The following NEO1 variants were observed in gnomAD, a reference collection of about 807,000 sequenced individuals.
The protein encoded by NEO1 is neogenin.
In NEO1, 63 loss-of-function variants were observed where a neutral mutation model predicts 159.7. That is an observed-to-expected ratio of 0.39 (90% CI 0.32 to 0.49). The LOEUF is 0.49. Among genes scored for constraint, NEO1 ranks in the 20% least tolerant of loss-of-function variants. The pLI, the probability that NEO1 is intolerant of heterozygous loss-of-function variation, is 0.85. For missense variants in NEO1, 1,615 were observed against 1,831.0 expected, an observed-to-expected ratio of 0.88 and a Z score of 2.15; for synonymous variants, 633 against 662.0, an observed-to-expected ratio of 0.96 and a Z score of 0.67.
chr15:73,233,894 G>C (rs957028707), intron 7 of NEO1, among the ~76,000 whole-genome samples: 1 of 152,144 alleles, frequency 6.6e-6, no homozygotes, highest in Non-Finnish European at 1.5e-5. Flanking sequence ...ATATCAGCTT[G>C]GGGTTTAGGT....
At chr15:73,184,147 AAATTAATT>A (rs538116304) in intron 7 of NEO1, among the ~76,000 whole-genome samples, 219 of 152,044 alleles carry the variant, frequency 1.4e-3, no homozygotes, top group Non-Finnish European at 2.1e-3. Context: ...ACCTTTTTTA[AAATTAATT>A]AATTAATTAA....
intron 15 of NEO1, among the ~76,000 whole-genome samples, chr15:73,265,168 G>A (rs2040829055): frequency 2.0e-5 from 3 of 152,178 alleles, no homozygotes; most frequent in Admixed American, 2.0e-4. Context: ...TAGGCAAAGA[G>A]TGGTGGGAGA....
intron 7 of NEO1, among the ~76,000 whole-genome samples, chr15:73,185,336 T>C (rs1468082146): frequency 6.6e-6 from 1 of 152,178 alleles, no homozygotes; most frequent in East Asian, 1.9e-4. Flanking sequence ...TGTACCACTT[T>C]AGTGGGGGAT....
At chr15:73,106,676 C>T (rs889612924) in intron 1 of NEO1, among the ~76,000 whole-genome samples, 4 of 152,150 alleles carry the variant, frequency 2.6e-5, no homozygotes, top group Non-Finnish European at 5.9e-5. Context: ...TTGCCTTCTT[C>T]ACCAGCTGGC....
chr15:73,058,474 A>G (rs993799468), intron 1 of NEO1, among the ~76,000 whole-genome samples: 1 of 152,120 alleles, frequency 6.6e-6, no homozygotes, highest in Non-Finnish European at 1.5e-5. Context: ...CCTGTTATGG[A>G]TATGGAAGTT....
At chr15:73,155,498 T>C (rs1337575864) in intron 5 of NEO1, among the ~76,000 whole-genome samples, 2 of 152,222 alleles carry the variant, frequency 1.3e-5, no homozygotes, top group African/African-American at 4.8e-5. Context: ...TCTATGTGAA[T>C]GTCTAACTCT....
At chr15:73,259,476 C>T (rs919054677) in intron 14 of NEO1, among the ~76,000 whole-genome samples, 4 of 151,856 alleles carry the variant, frequency 2.6e-5, no homozygotes, top group Non-Finnish European at 5.9e-5. Flanking sequence ...ATCCTCCCAC[C>T]TCAGCCTCCT....
intron 8 of NEO1, among the ~76,000 whole-genome samples, chr15:73,237,680 A>G (rs569602526): frequency 6.6e-6 from 1 of 152,332 alleles, no homozygotes; most frequent in South Asian, 2.1e-4. Context: ...CCTGAATGCT[A>G]TACTGTGTGT....
chr15:73,232,539 AAC>A (rs140616403), intron 7 of NEO1, among the ~76,000 whole-genome samples: 1 of 152,064 alleles, frequency 6.6e-6, no homozygotes, highest in East Asian at 1.9e-4. Flanking sequence ...TTGTCTTGTG[AAC>A]ACACACACAC....
chr15:73,072,723 T>C (rs1271001836), intron 1 of NEO1, among the ~76,000 whole-genome samples: 1 of 152,098 alleles, frequency 6.6e-6, no homozygotes, highest in African/African-American at 2.4e-5. Flanking sequence ...GAGGTGGGGT[T>C]GTGGTGGTGA....
rs35991255 is a variant in NEO1 at position 73,169,643 on chromosome 15, CT to C, written c.1016-6739del. On this transcript the variant is annotated intron_variant, in intron 5 of 28. Coordinates refer to ENST00000261908, the MANE Select transcript of NEO1 (RefSeq NM_002499.4). ...TACCGAAATTATCTGCTCCCCCCTC[CT>C]TTTTTTTTTTTTTTTTTTTTGGAAG... 2.6e-3 allele frequency among the ~76,000 whole-genome samples: 272 copies of C among 105,234 alleles called. 1 individual carries two copies. The highest frequency in any genetic ancestry group is 7.7e-3 in the African/African-American group (227 of 29,568). 69.0% of individuals were successfully genotyped at this position (105,234 alleles called of 152,430 possible).
chr15:73,130,876 G>A (rs2031026738), intron 4 of NEO1, among the ~76,000 whole-genome samples: 1 of 152,332 alleles, frequency 6.6e-6, no homozygotes, highest in African/African-American at 2.4e-5. Context: ...GACCATGTGG[G>A]GGAACAATAA....
At position 73,116,587 on chromosome 15, in the gene NEO1, G is replaced by C. The variant is rs764492714; in HGVS notation, c.178G>C (p.Val60Leu). The part of the protein sequence containing the change: ...FTPFYFLVEP[V>L]DTLSVRGSSV... ...TCCATTTTATTTTCTGGTGGAGCCG[G>C]TGGATACACTCTCAGTTAGAGGCTC... Residue 60 changes from valine to leucine, a missense_variant, in exon 2 of 29, where the codon GTG becomes CTG. Coordinates refer to ENST00000261908, the MANE Select transcript of NEO1 (RefSeq NM_002499.4). 11 of 1,573,444 alleles carry C rather than the reference G, an allele frequency of 7.0e-6. No homozygotes were observed. The South Asian group carries it at 1.1e-4, about 16-fold the overall frequency.
chr15:73,237,567 TGTA>T (rs2039246672), intron 8 of NEO1, among the ~76,000 whole-genome samples: 4 of 152,208 alleles, frequency 2.6e-5, no homozygotes, highest in African/African-American at 9.7e-5. Context: ...TGATGTACAT[TGTA>T]GTTAATACCA....
intron 5 of NEO1, among the ~76,000 whole-genome samples, chr15:73,159,648 T>A (rs1201539460): frequency 6.6e-6 from 1 of 152,184 alleles, no homozygotes; most frequent in African/African-American, 2.4e-5. Flanking sequence ...CAAGTCAACA[T>A]GGAAGCAGCA....
intron 16 of NEO1, among the ~76,000 whole-genome samples, chr15:73,267,811 C>T (rs1217926182): frequency 2.0e-5 from 3 of 152,012 alleles, no homozygotes; most frequent in Non-Finnish European, 4.4e-5. Context: ...GGGTTGGTTC[C>T]AAGTCTTTGC....
intron 7 of NEO1, among the ~76,000 whole-genome samples, chr15:73,189,874 T>G (rs946076084): frequency 2.0e-5 from 3 of 152,266 alleles, no homozygotes; most frequent in African/African-American, 7.2e-5. Context: ...TAGCATGCTT[T>G]CTTAATCAAA....
At chr15:73,111,587 G>T (rs1157439254) in intron 1 of NEO1, among the ~76,000 whole-genome samples, 1 of 151,978 alleles carries the variant, frequency 6.6e-6, no homozygotes, top group Non-Finnish European at 1.5e-5. Context: ...ACATATAAAG[G>T]TATAATATTT....
chr15:73,276,208 G>A (rs767627567), intron 21 of NEO1, among the ~76,000 whole-genome samples: 1 of 152,080 alleles, frequency 6.6e-6, no homozygotes, highest in Non-Finnish European at 1.5e-5. Context: ...GATATTTTTG[G>A]TGCTCAGTTC....
Sources: gnomAD v4.1 joint callset for allele counts (sites outside exome capture counted in the v4.1 genomes callset) on GRCh38, gnomAD v4.1.1 for gene constraint, MANE v1.5 for transcripts, NCBI Gene and HGNC (gene_info 2026-07-23, HGNC 2026-07-21) for gene names.